The following DNAI1 variants were observed in gnomAD, a reference collection of about 807,000 sequenced individuals.
The protein encoded by DNAI1 is dynein, axonemal, intermediate polypeptide 1.
A neutral mutation model predicts 92.0 loss-of-function variants in DNAI1; 67 were observed. The ratio of observed to expected loss-of-function variants is 0.73; its 90% CI spans 0.60 to 0.89. The LOEUF (loss-of-function observed/expected upper bound fraction) is 0.89, where lower values mean the gene tolerates loss of function less well. DNAI1 is among the 40% of genes least tolerant of loss of function. DNAI1 has a pLI of 0.00. For synonymous variants in DNAI1, 323 were observed against 319.6 expected, an observed-to-expected ratio of 1.01 and a Z score of -0.11; for missense variants, 839 against 866.6, an observed-to-expected ratio of 0.97 and a Z score of 0.40.
intron 9 of DNAI1, among the ~76,000 whole-genome samples, chr9:34,496,496 A>G (rs906259677): frequency 6.6e-6 from 1 of 152,242 alleles, no homozygotes; most frequent in African/African-American, 2.4e-5. Context: ...TTTTGGTTCA[A>G]GATGAGTCAC....
chr9:34,491,367 C>A (rs916059973), intron 7 of DNAI1, 128 bp from the exon 8 acceptor site: 8 of 924,862 alleles, frequency 8.6e-6, no homozygotes, highest in African/African-American at 8.2e-5. Flanking sequence ...CCCCTCTTTA[C>A]TTCCCCAGCT....
At chr9:34,484,721 T>C (rs990141425) in intron 2 of DNAI1, among the ~76,000 whole-genome samples, 13 of 152,338 alleles carry the variant, frequency 8.5e-5, no homozygotes, top group Middle Eastern at 3.4e-3. Flanking sequence ...GTTGGGAAGA[T>C]AAAATATAAA....
At chr9:34,508,576 G>A (rs1824988290) in intron 13 of DNAI1, among the ~76,000 whole-genome samples, 1 of 152,154 alleles carries the variant, frequency 6.6e-6, no homozygotes, top group Non-Finnish European at 1.5e-5. Flanking sequence ...ACCTGGCCCA[G>A]CCCTGCCCCT....
Position 34,506,642 on chromosome 9 carries a change from A to C in DNAI1, c.1079A>C (p.Gln360Pro), listed in dbSNP as rs144622109. Residue 360 changes from glutamine to proline, a missense_variant, in exon 13 of 20, where the codon CAG becomes CCG. Coordinates refer to ENST00000242317, the MANE Select transcript of DNAI1 (RefSeq NM_012144.4). ...VGYGSYDFMK[Q>P]SRGMLLLYSL... ...CCCTGGGTAGATGACTTCATGAAGC[A>C]GAGCCGGGGCATGCTGCTGCTCTAC... The C allele has an allele frequency of 4.3e-6, 7 of 1,614,086 alleles. No homozygotes were observed. In the African/African-American group the frequency reaches 9.3e-5, roughly 22 times the overall value.
At chr9:34,475,631 T>C (rs973294591) in intron 1 of DNAI1, among the ~76,000 whole-genome samples, 2 of 152,178 alleles carry the variant, frequency 1.3e-5, no homozygotes, top group African/African-American at 4.8e-5. Flanking sequence ...TTAATCCTCA[T>C]AACAAGCCTC....
In DNAI1 at chr9:34,490,180, G is replaced by A; in HGVS notation, c.501+56G>A. The A allele has an allele frequency of 1.9e-6, 3 of 1,613,424 alleles. No individual in the cohort carries two copies. In the Admixed American group the frequency reaches 5.0e-5, roughly 27 times the overall value. On this transcript the variant is annotated intron_variant, in intron 6 of 19. Coordinates refer to ENST00000242317, the MANE Select transcript of DNAI1 (RefSeq NM_012144.4). ...TCTTCCAGCTCAAGCTGTGGATGGA[G>A]GCTTCATGGGTAACTTGGGAAAGGA...
In DNAI1 at chr9:34,501,194, A is replaced by T; in HGVS notation, c.1063+13A>T. On this transcript the variant is annotated intron_variant, in intron 12 of 19. Transcript: ENST00000242317. ...GGATATGGCTCTTGTAAGTGATCTG[A>T]CTATTCATTTATTTGCTCATGTAAA... 6.2e-7 allele frequency: 1 copy of T among 1,607,004 alleles called. No homozygotes were observed. The highest frequency in any genetic ancestry group is 8.5e-7 in the Non-Finnish European group (1 of 1,173,460).
chr9:34,482,945 G>A lies in DNAI1; in HGVS notation c.49-503G>A, dbSNP rs368180496. On this transcript the variant is annotated intron_variant, in intron 1 of 19. Transcript: ENST00000242317. ...GCTAAGGCCCGGCGAGAAATCGAGC[G>A]CAGTGCTGGTGGGCCAGCACTGCTG... is the stretch of plus-strand genomic sequence containing the variant. 3.4e-4 allele frequency among the ~76,000 whole-genome samples: 52 copies of A among 152,334 alleles called. No homozygotes were observed. In the East Asian group the frequency reaches 8.7e-3, roughly 25 times the overall value.
chr9:34,467,506 A>T (rs1308536401), intron 1 of DNAI1, among the ~76,000 whole-genome samples: 1 of 151,432 alleles, frequency 6.6e-6, no homozygotes, highest in East Asian at 1.9e-4. Flanking sequence ...GGTTGCATGC[A>T]CCTGTAGTCC....
intron 1 of DNAI1, among the ~76,000 whole-genome samples, chr9:34,467,191 T>C (rs897968036): frequency 6.6e-5 from 10 of 152,224 alleles, no homozygotes; most frequent in African/African-American, 2.2e-4. Context: ...AGATTTCTTC[T>C]AGTCCAATGC....
chr9:34,506,960 A>C (rs556080382), intron 13 of DNAI1, 86 bp downstream of exon 13: 12 of 1,547,928 alleles, frequency 7.8e-6, no homozygotes, highest in Admixed American at 5.7e-5. Flanking sequence ...TGGGGAGGAG[A>C]GGACCACAGG....
At chr9:34,519,232 A>G (rs539063131) in intron 19 of DNAI1, among the ~76,000 whole-genome samples, 50 of 152,186 alleles carry the variant, frequency 3.3e-4, no homozygotes, top group Non-Finnish European at 6.2e-4. Flanking sequence ...GCCCTTTCCA[A>G]ATGGCTTCCC....
chr9:34,479,014 A>G (rs1824288697), intron 1 of DNAI1: 1 of 152,298 alleles, frequency 6.6e-6, no homozygotes. Flanking sequence ...AAAGTTAGAT[A>G]AAGGACTAGC....
chr9:34,491,783 G>T (rs1437865339), intron 8 of DNAI1, among the ~76,000 whole-genome samples: 1 of 152,220 alleles, frequency 6.6e-6, no homozygotes, highest in Non-Finnish European at 1.5e-5. Context: ...TCAAGGGCAA[G>T]GTTGTGCAAG....
intron 9 of DNAI1, among the ~76,000 whole-genome samples, chr9:34,493,676 C>G (rs900289342): frequency 6.6e-6 from 1 of 152,166 alleles, no homozygotes. Context: ...TAAGGCACCA[C>G]TTCCCTCGGC....
At chr9:34,459,121 C>A in intron 1 of DNAI1, 68 bp downstream of exon 1, 1 of 1,388,598 alleles carries the variant, frequency 7.2e-7, no homozygotes, top group Non-Finnish European at 1.0e-6. Flanking sequence ...ACTAATCATA[C>A]CTCTCCTACT....
intron 2 of DNAI1, among the ~76,000 whole-genome samples, chr9:34,484,214 CAAAT>C (rs1824429043): frequency 1.3e-5 from 2 of 152,184 alleles, no homozygotes; most frequent in Admixed American, 1.3e-4. Flanking sequence ...GACTCCATCT[CAAAT>C]AAATAAATAA....
chr9:34,519,670 C>G (rs1825230540), intron 19 of DNAI1, among the ~76,000 whole-genome samples: 1 of 152,114 alleles, frequency 6.6e-6, no homozygotes, highest in African/African-American at 2.4e-5. Flanking sequence ...CAAAAAGGAG[C>G]CAGGGAAGGG....
chr9:34,463,749 T>C (rs995450086), intron 1 of DNAI1, among the ~76,000 whole-genome samples: 2 of 152,198 alleles, frequency 1.3e-5, no homozygotes, highest in Admixed American at 1.3e-4. Flanking sequence ...TTTTGGATCA[T>C]TTTGTGGTCT....
Sources: allele counts gnomAD v4.1 joint callset (sites outside exome capture counted in the v4.1 genomes callset), GRCh38; gene constraint gnomAD v4.1.1; transcripts MANE v1.5; gene names NCBI Gene and HGNC (gene_info 2026-07-23, HGNC 2026-07-21).